Variants in CHN2 observed in about 807,000 individuals in gnomAD.
CHN2 encodes chimerin 2.
CHN2 carries 35 observed loss-of-function variants against 56.3 expected under a neutral mutation model. The ratio of observed to expected loss-of-function variants is 0.62; its 90% CI spans 0.47 to 0.82. The LOEUF (loss-of-function observed/expected upper bound fraction) is 0.82, where lower values mean the gene tolerates loss of function less well. Among genes scored for constraint, CHN2 ranks in the 40% least tolerant of loss-of-function variants. The probability of loss-of-function intolerance (pLI) is 0.00; values close to 1 mark genes in which losing one functional copy is unlikely to be tolerated. For missense variants in CHN2, 491 were observed against 580.5 expected (o/e 0.85, Z 1.58); for synonymous variants, 210 against 212.8 (o/e 0.99, Z 0.12).
At chr7:29,227,457 G>GA (rs1786295715) in intron 1 of CHN2, among the ~76,000 whole-genome samples, 1 of 152,056 alleles carries the variant, frequency 6.6e-6, no homozygotes, top group Non-Finnish European at 1.5e-5. Flanking sequence ...TTTTCTTATG[G>GA]TGCCCACTTT....
intron 6 of CHN2, among the ~76,000 whole-genome samples, chr7:29,455,390 A>C (rs575618421): frequency 1.8e-4 from 28 of 152,282 alleles, no homozygotes; most frequent in Admixed American, 1.5e-3. Context: ...GGCCTGAGAG[A>C]TCAGCTAGTC....
chr7:29,476,795 A>AT (rs1786642283), intron 6 of CHN2, among the ~76,000 whole-genome samples: 2 of 152,148 alleles, frequency 1.3e-5, no homozygotes, highest in Non-Finnish European at 2.9e-5. Flanking sequence ...GCCACTGAAC[A>AT]TCCTGCAACG....
intron 3 of CHN2, among the ~76,000 whole-genome samples, chr7:29,370,532 C>G (rs533694411): frequency 7.2e-5 from 11 of 152,228 alleles, no homozygotes; most frequent in African/African-American, 2.2e-4. Flanking sequence ...GGCCCTTTTT[C>G]TTGGTCTTCA....
At chr7:29,215,833 T>C (rs903719334) in intron 1 of CHN2, among the ~76,000 whole-genome samples, 1 of 152,106 alleles carries the variant, frequency 6.6e-6, no homozygotes, top group African/African-American at 2.4e-5. Flanking sequence ...TACTATCTTT[T>C]CTTTTGGCTT....
intron 1 of CHN2, among the ~76,000 whole-genome samples, chr7:29,268,937 A>C (rs1056550040): frequency 1.3e-5 from 2 of 152,252 alleles, no homozygotes; most frequent in East Asian, 3.8e-4. Flanking sequence ...TTATGGATAC[A>C]TAATAGTTGC....
intron 3 of CHN2, among the ~76,000 whole-genome samples, chr7:29,388,705 C>T (rs997528065): frequency 1.3e-5 from 2 of 152,178 alleles, no homozygotes; most frequent in African/African-American, 2.4e-5. Flanking sequence ...AATAAGACCA[C>T]GTAAAAATGA....
intron 1 of CHN2, among the ~76,000 whole-genome samples, chr7:29,261,549 A>G (rs1789557392): frequency 6.6e-6 from 1 of 152,172 alleles, no homozygotes; most frequent in African/African-American, 2.4e-5. Flanking sequence ...AATGTACAAT[A>G]ATTTATTTTC....
chr7:29,368,097 T>C (rs1322083776), intron 3 of CHN2, 110 bp downstream of exon 3: 3 of 809,078 alleles, frequency 3.7e-6, no homozygotes. Context: ...CTATTAACAT[T>C]TGTTGGAGTG....
chr7:29,258,557 A>C (rs570306529), intron 1 of CHN2, among the ~76,000 whole-genome samples: 1 of 152,278 alleles, frequency 6.6e-6, no homozygotes, highest in South Asian at 2.1e-4. Flanking sequence ...CAGAATGTCT[A>C]GCTCCTCCAA....
intron 6 of CHN2, among the ~76,000 whole-genome samples, chr7:29,431,142 A>G (rs1782833746): frequency 6.6e-6 from 1 of 152,158 alleles, no homozygotes. Context: ...CAACTGTCCA[A>G]TTAAAACGCT....
At chr7:29,449,734 A>C (rs78989482) in intron 6 of CHN2, among the ~76,000 whole-genome samples, 1,666 of 152,310 alleles carry the variant, frequency 0.011, 28 homozygotes, top group African/African-American at 0.036. Context: ...GTGGTTGGGC[A>C]TTGATGAACA....
At chr7:29,269,926 C>T (rs1030313155) in intron 1 of CHN2, among the ~76,000 whole-genome samples, 3 of 152,152 alleles carry the variant, frequency 2.0e-5, no homozygotes, top group Non-Finnish European at 2.9e-5. Flanking sequence ...TGAAATAATA[C>T]CACCTGTCCT....
At chr7:29,421,088 C>A (rs539128978) in intron 6 of CHN2, among the ~76,000 whole-genome samples, 1 of 152,174 alleles carries the variant, frequency 6.6e-6, no homozygotes, top group South Asian at 2.1e-4. Flanking sequence ...CCACCATGTC[C>A]GGCTATATGG....
chr7:29,481,584 C>G (rs1369888198), intron 7 of CHN2, among the ~76,000 whole-genome samples: 3 of 151,136 alleles, frequency 2.0e-5, no homozygotes, highest in Non-Finnish European at 2.9e-5. Flanking sequence ...AGGTCCTCTT[C>G]TATGCCAAAG....
At chr7:29,219,608 A>G (rs1172427049) in intron 1 of CHN2, among the ~76,000 whole-genome samples, 2 of 152,192 alleles carry the variant, frequency 1.3e-5, no homozygotes, top group African/African-American at 4.8e-5. Flanking sequence ...AAGATACTTT[A>G]CTAAGTTTAA....
At chr7:29,321,405 C>T (rs1795335437) in intron 1 of CHN2, among the ~76,000 whole-genome samples, 2 of 152,056 alleles carry the variant, frequency 1.3e-5, no homozygotes, top group Non-Finnish European at 2.9e-5. Flanking sequence ...GAGGATATAC[C>T]TCTATGATCC....
At chr7:29,482,890 C>G (rs1787476660) in intron 7 of CHN2, among the ~76,000 whole-genome samples, 1 of 130,586 alleles carries the variant, frequency 7.7e-6, no homozygotes, top group Non-Finnish European at 1.6e-5. Flanking sequence ...GGCGCGATCT[C>G]GGCTCACTGC....
chr7:29,210,461 A>G (rs1052924500), intron 1 of CHN2, among the ~76,000 whole-genome samples: 1 of 152,006 alleles, frequency 6.6e-6, no homozygotes, highest in Non-Finnish European at 1.5e-5. Flanking sequence ...CCAATACTTC[A>G]TTCCATATGT....
intron 1 of CHN2, among the ~76,000 whole-genome samples, chr7:29,248,148 C>G (rs1038075116): frequency 2.0e-5 from 3 of 152,212 alleles, no homozygotes; most frequent in Admixed American, 2.0e-4. Context: ...GTGATGGGAA[C>G]AAGTCTGGCC....
Sources: allele counts gnomAD v4.1 joint callset (sites outside exome capture counted in the v4.1 genomes callset), GRCh38; gene constraint gnomAD v4.1.1; transcripts MANE v1.5; gene names NCBI Gene and HGNC (gene_info 2026-07-23, HGNC 2026-07-21).